Variants in PDK1 observed in about 807,000 individuals in gnomAD.
PDK1 encodes the protein pyruvate dehydrogenase kinase 1.
Under a neutral mutation model 54.2 loss-of-function variants are expected in PDK1, and 39 were observed. The ratio of observed to expected loss-of-function variants is 0.72; its 90% CI spans 0.56 to 0.94. PDK1 has a LOEUF of 0.94. PDK1 is among the 40% of genes least tolerant of loss of function. The pLI is 0.00. For synonymous variants in PDK1, 221 were observed against 207.1 expected, an observed-to-expected ratio of 1.07 and a Z score of -0.58; for missense variants, 552 against 566.0, an observed-to-expected ratio of 0.98 and a Z score of 0.25.
At chr2:172,594,932 A>C (rs1024682296) in intron 10 of PDK1, among the ~76,000 whole-genome samples, 1 of 152,232 alleles carries the variant, frequency 6.6e-6, no homozygotes, top group Non-Finnish European at 1.5e-5. Context: ...CATGATGCAG[A>C]AATCTTGTGC....
rs1008474522 is a variant in PDK1, at chr2:172,596,304, T to G, written c.*335T>G. 2 of 169,216 alleles carry G rather than the reference T, an allele frequency of 1.2e-5. No individual in the cohort carries two copies. The highest frequency in any genetic ancestry group is 2.5e-5 in the Non-Finnish European group (2 of 78,604). The allele number at this position is 169,216 out of a possible 1,614,324, so 10.5% of individuals were successfully genotyped here. A position where few individuals can be genotyped will look rare whatever the true frequency, so the allele number is the denominator to read the frequency against. On this transcript the variant is annotated 3_prime_UTR_variant, in exon 11 of 11. Coordinates refer to ENST00000282077, the MANE Select transcript of PDK1 (RefSeq NM_002610.5). The stretch of plus-strand genomic sequence containing the variant: ...TTTTTTTTTTAAGAAATACTTTCAT[T>G]TATGTTTGCTAGAAACATTTTCTAA...
rs192306592 is a variant in PDK1, at chr2:172,600,112, G to A, written c.*4143G>A. The A allele has an allele frequency of 1.4e-4, 21 of 151,908 alleles. No individual in the cohort carries two copies. The East Asian group carries it at 4.1e-3, about 29-fold the overall frequency. 9.4% of individuals were successfully genotyped at this position (151,908 alleles called of 1,614,324 possible). A position where few individuals can be genotyped will look rare whatever the true frequency, so the allele number is the denominator to read the frequency against. On this transcript the variant is annotated 3_prime_UTR_variant, in exon 11 of 11. Transcript: ENST00000282077. The stretch of plus-strand genomic sequence containing the variant: ...TAAAAATGCTGAGAAGGTTTTTTTT[G>A]GAAACAGTTTATGAGGCCAGGACAT...
rs747979223 is a variant in PDK1, at chr2:172,593,163, A to G, written c.1170+115A>G. ...CATGCTGTTTAAATAGAAAAAAACT[A>G]TGGTTTTTTGCTGGGGATCTCACCC... On this transcript the variant is annotated intron_variant, in intron 10 of 10. Coordinates refer to ENST00000282077, the MANE Select transcript of PDK1 (RefSeq NM_002610.5). 258 of 528,752 alleles carry G rather than the reference A, an allele frequency of 4.9e-4. 1 individual carries two copies. Among genetic ancestry groups the G allele is most frequent in the Admixed American group, 9.0e-4 (26 of 29,012 alleles). 32.8% of individuals were successfully genotyped at this position (528,752 alleles called of 1,614,324 possible).
the PDK1 span, among the ~76,000 whole-genome samples, chr2:172,627,944 G>A: frequency 1.3e-5 from 2 of 152,228 alleles, no homozygotes; most frequent in Admixed American, 6.5e-5. Context: ...ATTTCTTCCC[G>A]CGGGGCGTGG....
At chr2:172,623,472 T>G in the PDK1 span, among the ~76,000 whole-genome samples, 1 of 152,200 alleles carries the variant, frequency 6.6e-6, no homozygotes, top group African/African-American at 2.4e-5. Context: ...AGAAAGAGGT[T>G]TATAAAAGCC....
chr2:172,645,260 C>T, the PDK1 span, among the ~76,000 whole-genome samples: 162 of 51,090 alleles, frequency 3.2e-3, no homozygotes, highest in East Asian at 7.1e-3. Flanking sequence ...ACAAAATAGG[C>T]TTTTTTTTTT....
At chr2:172,698,975 G>A in the PDK1 span, among the ~76,000 whole-genome samples, 318 of 152,248 alleles carry the variant, frequency 2.1e-3, 4 homozygotes, top group Middle Eastern at 6.8e-3. Flanking sequence ...TTTAAGGAGA[G>A]TGCCTTGACT....
chr2:172,591,264 C>G (rs544833015), intron 9 of PDK1, among the ~76,000 whole-genome samples: 2 of 152,236 alleles, frequency 1.3e-5, no homozygotes, highest in South Asian at 2.1e-4. Flanking sequence ...GCCATGTTGC[C>G]CAACTCCAGA....
the PDK1 span, among the ~76,000 whole-genome samples, chr2:172,718,995 C>T: frequency 6.6e-6 from 1 of 152,184 alleles, no homozygotes; most frequent in African/African-American, 2.4e-5. Context: ...ACCTCTACCC[C>T]AGTTCTTAGC....
chr2:172,713,977 T>A, the PDK1 span, among the ~76,000 whole-genome samples: 1 of 152,266 alleles, frequency 6.6e-6, no homozygotes, highest in African/African-American at 2.4e-5. Context: ...AGGAAAGTTA[T>A]CATACCCATT....
At chr2:172,571,734 T>C (rs756217125) in intron 8 of PDK1, among the ~76,000 whole-genome samples, 33 of 151,790 alleles carry the variant, frequency 2.2e-4, no homozygotes, top group Admixed American at 3.9e-4. Context: ...TATATTAAAG[T>C]AATAAATGCA....
chr2:172,712,989 G>A, the PDK1 span, among the ~76,000 whole-genome samples: 11 of 152,204 alleles, frequency 7.2e-5, no homozygotes, highest in Non-Finnish European at 1.6e-4. Flanking sequence ...CTGTCCGAAT[G>A]TCTCTGTAGC....
At chr2:172,712,489 C>A in the PDK1 span, among the ~76,000 whole-genome samples, 68 of 152,292 alleles carry the variant, frequency 4.5e-4, no homozygotes, top group African/African-American at 1.6e-3. Context: ...TGAGCGAGCA[C>A]GGGGTCCAGC....
the PDK1 span, among the ~76,000 whole-genome samples, chr2:172,622,129 C>CATATATCATGTGAGATATGTTTATCTCAT: frequency 1.9e-5 from 2 of 104,142 alleles, no homozygotes; most frequent in African/African-American, 7.3e-5. Flanking sequence ...GTTTATATCT[C>CATATATCATGTGAGATATGTTTATCTCAT]ATATTATGTG....
the PDK1 span, among the ~76,000 whole-genome samples, chr2:172,660,648 A>G: frequency 6.6e-6 from 1 of 151,822 alleles, no homozygotes; most frequent in Non-Finnish European, 1.5e-5. Context: ...TCTCCCTTGA[A>G]ATTTTATTTA....
Position 172,568,839 on chromosome 2 carries a change from A to G in PDK1, c.846+22A>G, listed in dbSNP as rs779304285. ...CAAGGTTTGTAAAATAGTATTACATAACCTTTACCAGTACTTTTCTGAGGT... is the reference window on the plus strand; with the variant it reads ...CAAGGTTTGTAAAATAGTATTACATGACCTTTACCAGTACTTTTCTGAGGT... On this transcript the variant is annotated intron_variant, in intron 7 of 10. Transcript: ENST00000282077. 5 of 1,353,654 alleles carry G rather than the reference A, an allele frequency of 3.7e-6. No individual in the cohort carries two copies. The East Asian group carries it at 1.1e-4, about 31-fold the overall frequency. 83.9% of individuals were successfully genotyped at this position (1,353,654 alleles called of 1,614,324 possible).
At chr2:172,647,256 C>T in the PDK1 span, among the ~76,000 whole-genome samples, 4 of 151,948 alleles carry the variant, frequency 2.6e-5, no homozygotes, top group Admixed American at 6.6e-5. Flanking sequence ...ATCAGAGTCT[C>T]GGGAGGGGGC....
chr2:172,677,132 TTG>T, the PDK1 span: 1 of 152,254 alleles, frequency 6.6e-6, no homozygotes, highest in Non-Finnish European at 1.5e-5. Context: ...ACAAAAAAAA[TTG>T]TGTGACTTCA....
chr2:172,697,100 C>T, the PDK1 span, among the ~76,000 whole-genome samples: 1 of 152,088 alleles, frequency 6.6e-6, no homozygotes, highest in South Asian at 2.1e-4. Flanking sequence ...CCCAACTTAT[C>T]CTTGCAATGA....
Sources: allele counts gnomAD v4.1 joint callset (sites outside exome capture counted in the v4.1 genomes callset), GRCh38; gene constraint gnomAD v4.1.1; transcripts MANE v1.5; gene names NCBI Gene and HGNC (gene_info 2026-07-23, HGNC 2026-07-21).